Variants in ITSN1 observed in about 807,000 individuals in gnomAD.
The protein encoded by ITSN1 is intersectin 1, also known as intersectin-1.
Under a neutral mutation model 239.8 loss-of-function variants are expected in ITSN1, and 58 were observed. The ratio of observed to expected loss-of-function variants is 0.24; its 90% CI spans 0.20 to 0.30. The LOEUF (loss-of-function observed/expected upper bound fraction) is 0.30. Among genes scored for constraint, ITSN1 ranks in the 10% least tolerant of loss-of-function variants. The probability of loss-of-function intolerance (pLI) is 1.00; values close to 1 mark genes in which losing one functional copy is unlikely to be tolerated. For synonymous variants in ITSN1, 780 were observed against 770.8 expected, an observed-to-expected ratio of 1.01 and a Z score of -0.20; for missense variants, 1,558 against 2,103.3, an observed-to-expected ratio of 0.74 and a Z score of 5.07.
At chr21:33,785,269 A>G (rs2070566017) in intron 16 of ITSN1, among the ~76,000 whole-genome samples, 1 of 152,162 alleles carries the variant, frequency 6.6e-6, no homozygotes, top group African/African-American at 2.4e-5. Flanking sequence ...ATTGATTCTC[A>G]CTATTTTGGG....
intron 16 of ITSN1, among the ~76,000 whole-genome samples, 156 bp from the exon 17 acceptor site, chr21:33,794,182 TGTG>T (rs2071359757): frequency 6.6e-6 from 1 of 152,172 alleles, no homozygotes; most frequent in African/African-American, 2.4e-5. Context: ...CATGTCAAAA[TGTG>T]GTGTGATTCT....
chr21:33,739,536 G>A (rs1401729035), intron 5 of ITSN1, among the ~76,000 whole-genome samples: 3 of 152,280 alleles, frequency 2.0e-5, no homozygotes, highest in Non-Finnish European at 4.4e-5. Flanking sequence ...AATACTTTTA[G>A]GTGAGAATAA....
At chr21:33,701,932 G>C (rs1378209181) in intron 1 of ITSN1, among the ~76,000 whole-genome samples, 1 of 151,942 alleles carries the variant, frequency 6.6e-6, no homozygotes, top group African/African-American at 2.4e-5. Flanking sequence ...GCTGGGCGTG[G>C]TGGTGGGTGC....
chr21:33,785,971 T>C (rs528484311), intron 16 of ITSN1, among the ~76,000 whole-genome samples: 1 of 152,176 alleles, frequency 6.6e-6, no homozygotes, highest in Non-Finnish European at 1.5e-5. Context: ...AAACTTTGCT[T>C]TTGGGTTTTA....
At chr21:33,650,490 AC>A (rs1279530413) in intron 1 of ITSN1, among the ~76,000 whole-genome samples, 2 of 152,350 alleles carry the variant, frequency 1.3e-5, no homozygotes, top group African/African-American at 2.4e-5. Context: ...TCTAACACAG[AC>A]AAAATGTTGT....
rs2067447778 is a variant in ITSN1 at position 33,750,127 on chromosome 21, T to TG, written c.347-15dup. 2.5e-6 allele frequency: 4 copies of TG among 1,612,612 alleles called. No homozygotes were observed. Among genetic ancestry groups the TG allele is most frequent in the Non-Finnish European group, 3.4e-6 (4 of 1,179,140 alleles). Reference sequence around the variant, plus strand: ...TGATTGGATGTGAATGGTGTTGAGCTGTTTTTTCTTCATAGGTATGGGAGG... The same window carrying TG: ...TGATTGGATGTGAATGGTGTTGAGCTGGTTTTTTCTTCATAGGTATGGGAGG... On this transcript the variant is annotated splice_polypyrimidine_tract_variant and intron_variant, in intron 5 of 39. Transcript: ENST00000381318.
intron 1 of ITSN1, among the ~76,000 whole-genome samples, chr21:33,678,603 T>G (rs866317345): frequency 2.0e-5 from 3 of 152,202 alleles, no homozygotes; most frequent in Admixed American, 6.5e-5. Context: ...GTGGGAGGTT[T>G]TGTTTACAGA....
intron 20 of ITSN1, among the ~76,000 whole-genome samples, chr21:33,805,636 C>A (rs2148126926): frequency 6.6e-6 from 1 of 152,150 alleles, no homozygotes; most frequent in African/African-American, 2.4e-5. Context: ...AATTTGCCAG[C>A]CTCCAGGTTG....
intron 1 of ITSN1, among the ~76,000 whole-genome samples, chr21:33,699,613 G>C (rs2091925300): frequency 6.6e-6 from 1 of 152,154 alleles, no homozygotes; most frequent in Non-Finnish European, 1.5e-5. Flanking sequence ...CAGCTACTTG[G>C]GAGACTGAGG....
intron 4 of ITSN1, among the ~76,000 whole-genome samples, chr21:33,727,292 CAA>C (rs1285884504): frequency 6.6e-6 from 1 of 151,886 alleles, no homozygotes; most frequent in Non-Finnish European, 1.5e-5. Context: ...TGGGAATAGA[CAA>C]GAGCCAGAAG....
intron 32 of ITSN1, 68 bp from the exon 33 acceptor site, chr21:33,867,165 T>C: frequency 1.2e-6 from 1 of 857,320 alleles, no homozygotes; most frequent in South Asian, 1.3e-5. Context: ...TCACTGACAT[T>C]AGTATTGATG....
At position 33,885,042 on chromosome 21, in the gene ITSN1, A is replaced by T; in HGVS notation, c.4678A>T (p.Thr1560Ser). 6.2e-7 allele frequency: 1 copy of T among 1,613,806 alleles called. No homozygotes were observed. Among genetic ancestry groups the T allele is most frequent in the Non-Finnish European group, 8.5e-7 (1 of 1,179,718 alleles). Residue 1560 changes from threonine to serine, a missense_variant and splice_region_variant, in exon 37 of 40, where the codon ACT (threonine) becomes TCT (serine). Physicochemically the swap from Thr to Ser is moderately conservative, Grantham distance 58 (BLOSUM62 1). Around this residue, in one of 2 missense-constraint regions of ITSN1, gnomAD observed 576 missense variants for 893.3 expected, o/e 0.64. Coordinates refer to ENST00000381318, the MANE Select transcript of ITSN1 (RefSeq NM_003024.3). ...TLRAESINER[T>S]AWVQKIKAAS... ...ACTTTCTGTCTTTTTCTGTCCAAGG[A>T]CTGCCTGGGTGCAGAAAATCAAAGC...
intron 25 of ITSN1, among the ~76,000 whole-genome samples, 172 bp downstream of exon 25, chr21:33,823,825 G>A (rs2073825426): frequency 6.6e-6 from 1 of 152,170 alleles, no homozygotes; most frequent in African/African-American, 2.4e-5. Context: ...TGCGCAGTAA[G>A]CACTGGCTTC....
rs551680481 is a variant in ITSN1, at chr21:33,788,035, T to C, written c.1824+5902T>C. 2.4e-4 allele frequency among the ~76,000 whole-genome samples: 36 copies of C among 152,290 alleles called. No homozygotes were observed. In the South Asian group the frequency reaches 6.4e-3, roughly 27 times the overall value. On this transcript the variant is annotated intron_variant, in intron 16 of 39. Transcript: ENST00000381318. ...TGTAAAAATTTAATAAAAGATAATT[T>C]GGGAAAGGGTTAAGAAGAACTCAGT... is the stretch of plus-strand genomic sequence containing the variant.
At chr21:33,793,583 A>T (rs753125962) in intron 16 of ITSN1, among the ~76,000 whole-genome samples, 12 of 152,194 alleles carry the variant, frequency 7.9e-5, no homozygotes, top group Non-Finnish European at 1.3e-4. Flanking sequence ...GAGTACTTTA[A>T]ATATCATAGA....
intron 22 of ITSN1, among the ~76,000 whole-genome samples, chr21:33,815,614 CGG>C (rs537457930): frequency 4.9e-4 from 74 of 152,086 alleles, no homozygotes; most frequent in Non-Finnish European, 2.8e-4. Flanking sequence ...TGAGGGGCCT[CGG>C]GAAAGCAAGA....
Position 33,896,111 on chromosome 21 carries a change from A to G in ITSN1, c.*7811A>G, listed in dbSNP as rs964313761. The stretch of plus-strand genomic sequence containing the variant: ...GCAAGCTGCGCGGATACACTTTTCT[A>G]AACGTCTGCATTTATTTCCTAAAAG... On this transcript the variant is annotated 3_prime_UTR_variant, in exon 40 of 40. Coordinates refer to ENST00000381318, the MANE Select transcript of ITSN1 (RefSeq NM_003024.3). 1 of 152,416 alleles carries G rather than the reference A, an allele frequency of 6.6e-6. No individual in the cohort carries two copies. The highest frequency in any genetic ancestry group is 1.5e-5 in the Non-Finnish European group (1 of 68,086). The allele number at this position is 152,416 out of a possible 1,614,324, so 9.4% of individuals were successfully genotyped here. A position where few individuals can be genotyped will look rare whatever the true frequency, so the allele number is the denominator to read the frequency against.
chr21:33,752,649 G>T (rs1569099788), intron 7 of ITSN1, among the ~76,000 whole-genome samples: 1 of 152,134 alleles, frequency 6.6e-6, no homozygotes, highest in Non-Finnish European at 1.5e-5. Flanking sequence ...ACTCTGAGAG[G>T]CTGAGGCAGG....
intron 26 of ITSN1, among the ~76,000 whole-genome samples, chr21:33,828,176 G>A (rs2074078366): frequency 6.6e-6 from 1 of 152,214 alleles, no homozygotes; most frequent in African/African-American, 2.4e-5. Flanking sequence ...AGAATGTTGG[G>A]GCAGATTGCT....
Sources: allele counts gnomAD v4.1 joint callset (sites outside exome capture counted in the v4.1 genomes callset), GRCh38; gene constraint gnomAD v4.1.1; regional missense constraint gnomAD v4.1.1; transcripts MANE v1.5; gene names NCBI Gene and HGNC (gene_info 2026-07-23, HGNC 2026-07-21).